Variants in GOLPH3L observed in about 807,000 individuals in gnomAD.
GOLPH3L encodes golgi phosphoprotein 3 like, also known as Golgi phosphoprotein 3-like.
A neutral mutation model predicts 30.3 loss-of-function variants in GOLPH3L; 22 were observed. The observed-to-expected ratio is 0.73, with a 90% CI of 0.52 to 1.04. GOLPH3L has a LOEUF of 1.04. Among genes scored for constraint, GOLPH3L ranks in the 50% least tolerant of loss-of-function variants. The pLI, the probability that GOLPH3L is intolerant of heterozygous loss-of-function variation, is 0.00. For synonymous variants in GOLPH3L, 120 were observed against 128.2 expected (o/e 0.94, Z 0.43); for missense variants, 303 against 345.8 (o/e 0.88, Z 0.98).
At chr1:150,685,874 C>CTTT (rs35375244) in intron 2 of GOLPH3L, among the ~76,000 whole-genome samples, 1,554 of 120,980 alleles carry the variant, frequency 0.013, 44 homozygotes, top group South Asian at 0.023. Flanking sequence ...GTAAGTATGT[C>CTTT]TTTTTTTTTT....
chr1:150,661,336 G>A (rs1650363154), intron 4 of GOLPH3L, among the ~76,000 whole-genome samples: 1 of 152,122 alleles, frequency 6.6e-6, no homozygotes, highest in African/African-American at 2.4e-5. Flanking sequence ...ATACCCACAA[G>A]AAATGAAAAC....
intron 2 of GOLPH3L, among the ~76,000 whole-genome samples, chr1:150,692,925 T>A (rs1483592219): frequency 6.6e-6 from 1 of 152,240 alleles, no homozygotes; most frequent in Non-Finnish European, 1.5e-5. Context: ...ATCCTCTTTT[T>A]ATACAGTCAG....
At chr1:150,678,226 G>A (rs1455818144) in intron 2 of GOLPH3L, among the ~76,000 whole-genome samples, 1 of 140,158 alleles carries the variant, frequency 7.1e-6, no homozygotes, top group Non-Finnish European at 1.5e-5. Flanking sequence ...TTGAACCCGG[G>A]AGGCGGAGGT....
Position 150,694,651 on chromosome 1 carries a change from A to G in GOLPH3L, c.183+5T>C, listed in dbSNP as rs757799680. 3.2e-6 allele frequency: 5 copies of G among 1,579,618 alleles called. No individual in the cohort carries two copies. Among genetic ancestry groups the G allele is most frequent in the Non-Finnish European group, 4.3e-6 (5 of 1,158,642 alleles). Reference sequence around the variant, plus strand: ...GAGATAGCCTAGCAAACCTAACTGCATTACCTCTTTATCTTTTAGTCCCAG... The same window carrying G: ...GAGATAGCCTAGCAAACCTAACTGCGTTACCTCTTTATCTTTTAGTCCCAG... On this transcript the variant is annotated splice_donor_5th_base_variant and intron_variant, in intron 2 of 4. Coordinates refer to ENST00000271732, the MANE Select transcript of GOLPH3L (RefSeq NM_018178.6).
intron 2 of GOLPH3L, among the ~76,000 whole-genome samples, chr1:150,681,009 G>A (rs180984573): frequency 1.3e-5 from 2 of 152,170 alleles, no homozygotes; most frequent in East Asian, 1.9e-4. Flanking sequence ...GCATGGTGGT[G>A]GACACCTAGA....
intron 2 of GOLPH3L, among the ~76,000 whole-genome samples, chr1:150,672,186 A>C (rs1650661907): frequency 3.3e-5 from 5 of 152,186 alleles, no homozygotes; most frequent in Admixed American, 1.3e-4. Context: ...CCAATTCCAA[A>C]GCCCAAGGAA....
chr1:150,653,474 T>A (rs1650174037), intron 4 of GOLPH3L, among the ~76,000 whole-genome samples: 1 of 148,724 alleles, frequency 6.7e-6, no homozygotes, highest in African/African-American at 2.5e-5. Context: ...TTTTTTTTTT[T>A]TTTTGGAGAC....
intron 2 of GOLPH3L, among the ~76,000 whole-genome samples, chr1:150,669,884 C>A (rs1571043694): frequency 6.6e-6 from 1 of 151,672 alleles, no homozygotes; most frequent in African/African-American, 2.4e-5. Context: ...ATCACTTGAA[C>A]CTGGGAGGTG....
chr1:150,687,375 C>A (rs587605793), intron 2 of GOLPH3L, among the ~76,000 whole-genome samples: 1 of 151,808 alleles, frequency 6.6e-6, no homozygotes, highest in South Asian at 2.1e-4. Context: ...GTCAGGAGTT[C>A]GACACCAGCC....
At chr1:150,682,464 T>C (rs1358421335) in intron 2 of GOLPH3L, among the ~76,000 whole-genome samples, 1 of 151,510 alleles carries the variant, frequency 6.6e-6, no homozygotes, top group East Asian at 1.9e-4. Flanking sequence ...CCCAGCTCTA[T>C]AAAAATTACA....
Position 150,696,972 on chromosome 1 carries a change from G to C in GOLPH3L, c.-13+20C>G, listed in dbSNP as rs1557792651. Reference sequence around the variant, plus strand: ...GTGGGGGGAAGGGACGTTAGGAAATGTAATTTTCTCGTTGCTTACCTGATG... The same window carrying C: ...GTGGGGGGAAGGGACGTTAGGAAATCTAATTTTCTCGTTGCTTACCTGATG... On this transcript the variant is annotated intron_variant, in intron 1 of 4. Coordinates refer to ENST00000271732, the MANE Select transcript of GOLPH3L (RefSeq NM_018178.6). The C allele has an allele frequency of 2.6e-5, 4 of 152,064 alleles. No homozygotes were observed. The highest frequency in any genetic ancestry group is 4.4e-5 in the Non-Finnish European group (3 of 68,010). The allele number at this position is 152,064 out of a possible 1,614,324, so 9.4% of individuals were successfully genotyped here.
intron 3 of GOLPH3L, among the ~76,000 whole-genome samples, chr1:150,663,336 G>A (rs933048446): frequency 3.3e-5 from 5 of 152,020 alleles, no homozygotes; most frequent in African/African-American, 1.2e-4. Flanking sequence ...CACTGTGCCC[G>A]GCTATTTCAT....
At chr1:150,653,396 A>G (rs1253670936) in intron 4 of GOLPH3L, among the ~76,000 whole-genome samples, 2 of 150,460 alleles carry the variant, frequency 1.3e-5, no homozygotes, top group Non-Finnish European at 3.0e-5. Flanking sequence ...GCCGGGTTCA[A>G]GTGATTCTCC....
At chr1:150,650,529 G>T (rs1650081331) in intron 4 of GOLPH3L, among the ~76,000 whole-genome samples, 2 of 152,194 alleles carry the variant, frequency 1.3e-5, no homozygotes, top group Admixed American at 1.3e-4. Context: ...TGAGCCATGG[G>T]TGAGTAAAGT....
Position 150,648,219 on chromosome 1 carries a change from G to C in GOLPH3L, c.*102C>G, listed in dbSNP as rs1005160145. 7.2e-5 allele frequency: 61 copies of C among 846,566 alleles called. No individual in the cohort carries two copies. In the African/African-American group the frequency reaches 8.7e-4, roughly 12 times the overall value. The allele number at this position is 846,566 out of a possible 1,614,324, so 52.4% of individuals were successfully genotyped here. On this transcript the variant is annotated 3_prime_UTR_variant, in exon 5 of 5. Coordinates refer to ENST00000271732, the MANE Select transcript of GOLPH3L (RefSeq NM_018178.6). ...AAATCACAAGTCTGATTCAAGAAAA[G>C]GAAACAAAAATGATGAAAACATCTC...
intron 4 of GOLPH3L, among the ~76,000 whole-genome samples, chr1:150,649,623 G>C (rs191428353): frequency 6.6e-6 from 1 of 152,174 alleles, no homozygotes; most frequent in Non-Finnish European, 1.5e-5. Context: ...GGGTTGGGAA[G>C]ACTGTGTGCT....
At chr1:150,668,723 C>CT (rs144294950) in intron 2 of GOLPH3L, among the ~76,000 whole-genome samples, 3 of 150,546 alleles carry the variant, frequency 2.0e-5, no homozygotes, top group African/African-American at 4.9e-5. Context: ...AAGGGGTAGG[C>CT]TTTTTTTTTA....
rs587601111 is a variant in GOLPH3L at position 150,655,090 on chromosome 1, A to G, written c.431-6342T>C. On this transcript the variant is annotated intron_variant, in intron 4 of 4. Coordinates refer to ENST00000271732, the MANE Select transcript of GOLPH3L (RefSeq NM_018178.6). ...GGAGGATTTGGAAGCACAAATAAAC[A>G]AGGCAAAGCTGCTTATTGGATGAAT... Among the ~76,000 whole-genome samples, 6 of 152,354 alleles carry G rather than the reference A, an allele frequency of 3.9e-5. No homozygotes were observed. In the South Asian group the frequency reaches 1.2e-3, roughly 32 times the overall value.
Position 150,647,652 on chromosome 1 carries a change from A to G in GOLPH3L, c.*669T>C, listed in dbSNP as rs1650015903. 6.6e-6 allele frequency: 1 copy of G among 152,616 alleles called. No homozygotes were observed. The highest frequency in any genetic ancestry group is 6.5e-5 in the Admixed American group (1 of 15,268). The allele number at this position is 152,616 out of a possible 1,614,324, so 9.5% of individuals were successfully genotyped here. A position where few individuals can be genotyped will look rare whatever the true frequency, so the allele number is the denominator to read the frequency against. On this transcript the variant is annotated 3_prime_UTR_variant, in exon 5 of 5. Transcript: ENST00000271732. Reference sequence around the variant, plus strand: ...TTTTCTTCATTTAGACATTTGCCCTAGTGAATGAGGGAGCAAGAGAATGCT... The same window carrying G: ...TTTTCTTCATTTAGACATTTGCCCTGGTGAATGAGGGAGCAAGAGAATGCT...
Sources: allele counts gnomAD v4.1 joint callset (sites outside exome capture counted in the v4.1 genomes callset), GRCh38; gene constraint gnomAD v4.1.1; transcripts MANE v1.5; gene names NCBI Gene and HGNC (gene_info 2026-07-23, HGNC 2026-07-21).